The following PTPRT variants were observed in gnomAD, a reference collection of about 807,000 sequenced individuals.
PTPRT encodes the protein protein tyrosine phosphatase receptor type T.
PTPRT carries 56 observed loss-of-function variants against 176.8 expected under a neutral mutation model. The observed-to-expected ratio is 0.32, with a 90% CI of 0.26 to 0.40. The LOEUF (loss-of-function observed/expected upper bound fraction) is 0.40. PTPRT is among the 10% of genes least tolerant of loss of function. PTPRT has a pLI of 1.00. For missense variants in PTPRT, 1,540 were observed against 1,908.2 expected (o/e 0.81, Z 3.60); for synonymous variants, 783 against 739.0 (o/e 1.06, Z -0.96).
At chr20:42,950,242 A>G (rs1253761859) in intron 1 of PTPRT, among the ~76,000 whole-genome samples, 1 of 152,194 alleles carries the variant, frequency 6.6e-6, no homozygotes, top group Non-Finnish European at 1.5e-5. Context: ...CACAGAGCTG[A>G]TCTGTCTATA....
intron 16 of PTPRT, among the ~76,000 whole-genome samples, chr20:42,170,400 AT>A (rs1162838992): frequency 2.0e-5 from 3 of 152,248 alleles, no homozygotes; most frequent in Non-Finnish European, 2.9e-5. Context: ...GCGAGAAAAG[AT>A]AGAAGAATAA....
intron 9 of PTPRT, among the ~76,000 whole-genome samples, chr20:42,393,171 T>C (rs1423330464): frequency 2.6e-5 from 4 of 152,158 alleles, no homozygotes; most frequent in African/African-American, 9.7e-5. Flanking sequence ...CTTAGGACTT[T>C]CTTCAGGGGA....
intron 8 of PTPRT, among the ~76,000 whole-genome samples, chr20:42,452,041 C>T (rs952040874): frequency 2.6e-5 from 4 of 152,088 alleles, no homozygotes; most frequent in South Asian, 4.1e-4. Context: ...GAGGCCAAGG[C>T]GGGCAGATCA....
At chr20:42,896,142 C>T (rs764451064) in intron 1 of PTPRT, among the ~76,000 whole-genome samples, 2 of 152,066 alleles carry the variant, frequency 1.3e-5, no homozygotes, top group African/African-American at 4.8e-5. Context: ...GTAGTACTTC[C>T]ACTTTATAGA....
chr20:42,553,488 C>T (rs1198609710), intron 7 of PTPRT, among the ~76,000 whole-genome samples: 1 of 151,970 alleles, frequency 6.6e-6, no homozygotes, highest in Admixed American at 6.6e-5. Context: ...TTTCCCCCAA[C>T]ACTTTTTCTT....
intron 7 of PTPRT, among the ~76,000 whole-genome samples, chr20:42,610,358 A>G (rs141536754): frequency 6.7e-6 from 1 of 149,494 alleles, no homozygotes; most frequent in African/African-American, 2.5e-5. Context: ...AAATATGTAG[A>G]TCTGCGGGTT....
chr20:43,051,653 A>G (rs1368985530), intron 1 of PTPRT, among the ~76,000 whole-genome samples: 1 of 150,508 alleles, frequency 6.6e-6, no homozygotes, highest in Non-Finnish European at 1.5e-5. Flanking sequence ...AAAAAAATCT[A>G]CATTATTCTA....
the PTPRT span, among the ~76,000 whole-genome samples, chr20:42,064,432 C>T: frequency 3.9e-5 from 6 of 152,158 alleles, no homozygotes; most frequent in South Asian, 1.2e-3. Flanking sequence ...AGTTCTATAG[C>T]TTTCTTTATG....
chr20:42,473,624 C>T (rs1179617592), intron 7 of PTPRT, among the ~76,000 whole-genome samples: 2 of 152,068 alleles, frequency 1.3e-5, no homozygotes, highest in African/African-American at 2.4e-5. Flanking sequence ...TGGGCCTACA[C>T]CATGCTTGGC....
intron 7 of PTPRT, among the ~76,000 whole-genome samples, chr20:42,473,200 G>T (rs545874436): frequency 6.6e-6 from 1 of 151,976 alleles, no homozygotes; most frequent in East Asian, 1.9e-4. Context: ...TTTCTCCCCT[G>T]GTCCCTCTGG....
At chr20:43,024,730 A>T (rs375754165) in intron 1 of PTPRT, among the ~76,000 whole-genome samples, 7 of 152,236 alleles carry the variant, frequency 4.6e-5, no homozygotes, top group African/African-American at 1.7e-4. Flanking sequence ...GGCCTGCCCA[A>T]TGTCCAGTGT....
chr20:42,727,922 G>A (rs1169949401), intron 6 of PTPRT, among the ~76,000 whole-genome samples: 1 of 151,994 alleles, frequency 6.6e-6, no homozygotes, highest in Non-Finnish European at 1.5e-5. Context: ...TGAATTTTGT[G>A]CATGAGCAGC....
intron 11 of PTPRT, among the ~76,000 whole-genome samples, chr20:42,323,845 G>A (rs1052602628): frequency 2.6e-5 from 4 of 151,686 alleles, no homozygotes; most frequent in African/African-American, 4.8e-5. Context: ...CCATTATAAC[G>A]GCCATCAGAC....
At chr20:42,116,349 T>C (rs117456336) in intron 21 of PTPRT, among the ~76,000 whole-genome samples, 30 of 152,214 alleles carry the variant, frequency 2.0e-4, no homozygotes, top group Non-Finnish European at 4.1e-4. Flanking sequence ...TCCTGCAGAC[T>C]AGCATCCCAT....
At chr20:42,866,325 C>T (rs1056673511) in intron 2 of PTPRT, among the ~76,000 whole-genome samples, 3 of 152,206 alleles carry the variant, frequency 2.0e-5, no homozygotes, top group African/African-American at 7.2e-5. Flanking sequence ...AAATGGAACC[C>T]ACGTGGCTTG....
intron 7 of PTPRT, among the ~76,000 whole-genome samples, chr20:42,551,156 T>A (rs2072763569): frequency 6.6e-6 from 1 of 152,108 alleles, no homozygotes; most frequent in South Asian, 2.1e-4. Context: ...AAATTATATA[T>A]CTCTTTATAT....
chr20:42,648,125 A>G (rs1251593047), intron 7 of PTPRT, among the ~76,000 whole-genome samples: 1 of 152,098 alleles, frequency 6.6e-6, no homozygotes, highest in African/African-American at 2.4e-5. Flanking sequence ...GAGCTCTTCT[A>G]AAGACCCTGG....
intron 1 of PTPRT, among the ~76,000 whole-genome samples, chr20:42,898,000 A>G (rs1351398389): frequency 6.6e-6 from 1 of 152,210 alleles, no homozygotes; most frequent in East Asian, 1.9e-4. Flanking sequence ...AAACAAACAA[A>G]ATGTTTTAAA....
intron 16 of PTPRT, among the ~76,000 whole-genome samples, chr20:42,179,025 T>A (rs1469319090): frequency 6.6e-6 from 1 of 152,156 alleles, no homozygotes; most frequent in African/African-American, 2.4e-5. Flanking sequence ...AGTCACTAGA[T>A]CTTGGCTGCA....
Sources: allele counts gnomAD v4.1 joint callset (sites outside exome capture counted in the v4.1 genomes callset), GRCh38; gene constraint gnomAD v4.1.1; transcripts MANE v1.5; gene names NCBI Gene and HGNC (gene_info 2026-07-23, HGNC 2026-07-21).